CAMK1D: variants seen among roughly 807,000 people sequenced by gnomAD.
The protein encoded by CAMK1D is calcium/calmodulin-dependent protein kinase type 1D.
In CAMK1D, 9 loss-of-function variants were observed where a neutral mutation model predicts 47.7. The ratio of observed to expected loss-of-function variants is 0.19; its 90% CI spans 0.11 to 0.33. CAMK1D has a LOEUF of 0.33. Among genes scored for constraint, CAMK1D ranks in the 10% least tolerant of loss-of-function variants. The pLI is 1.00. For missense variants in CAMK1D, 291 were observed against 488.7 expected, an observed-to-expected ratio of 0.60 and a Z score of 3.81; for synonymous variants, 184 against 184.9, an observed-to-expected ratio of 0.99 and a Z score of 0.04.
intron 1 of CAMK1D, among the ~76,000 whole-genome samples, chr10:12,403,454 G>T (rs1839302163): frequency 6.6e-6 from 1 of 152,200 alleles, no homozygotes; most frequent in Non-Finnish European, 1.5e-5. Flanking sequence ...TCAGTGAGAT[G>T]ATTGATGATG....
chr10:12,666,293 C>T (rs1186166796), intron 2 of CAMK1D, among the ~76,000 whole-genome samples: 3 of 152,138 alleles, frequency 2.0e-5, no homozygotes, highest in East Asian at 1.9e-4. Flanking sequence ...TCCAGTGTCT[C>T]ACCAGGTCTC....
chr10:12,552,725 T>C (rs1836625226), intron 1 of CAMK1D, among the ~76,000 whole-genome samples: 1 of 152,174 alleles, frequency 6.6e-6, no homozygotes, highest in Non-Finnish European at 1.5e-5. Context: ...CCTGTGTATT[T>C]CCTTTTTGAA....
chr10:12,712,020 G>A (rs1833957422), intron 3 of CAMK1D, among the ~76,000 whole-genome samples: 1 of 152,130 alleles, frequency 6.6e-6, no homozygotes, highest in Non-Finnish European at 1.5e-5. Context: ...AAATGTGATC[G>A]GCAAATGTAT....
chr10:12,518,472 CT>C lies in CAMK1D; in HGVS notation c.93-34746del, dbSNP rs1236845817. 1.9e-5 allele frequency among the ~76,000 whole-genome samples: 2 copies of C among 102,734 alleles called. 1 individual carries two copies. The highest frequency in any genetic ancestry group is 4.2e-5 in the Non-Finnish European group (2 of 47,692). The allele number at this position is 102,734 out of a possible 152,430, so 67.4% of individuals were successfully genotyped here. On this transcript the variant is annotated intron_variant, in intron 1 of 10. Coordinates refer to ENST00000619168, the MANE Select transcript of CAMK1D (RefSeq NM_153498.4). ...CTGTAGTGATATGTCTTTATTCATT[CT>C]TTTTTTATTTTTTATTTTTTATTTT...
chr10:12,795,978 T>C (rs74118621), intron 6 of CAMK1D, among the ~76,000 whole-genome samples: 7,260 of 152,280 alleles, frequency 0.048, 582 homozygotes, highest in African/African-American at 0.16. Flanking sequence ...TCAGCCAAGA[T>C]AGCATAAGGT....
At chr10:12,504,887 C>G (rs1834823356) in intron 1 of CAMK1D, among the ~76,000 whole-genome samples, 1 of 152,216 alleles carries the variant, frequency 6.6e-6, no homozygotes, top group Non-Finnish European at 1.5e-5. Context: ...TTCTTGCCCC[C>G]TATGATGCTC....
At chr10:12,422,321 A>G (rs1414136955) in intron 1 of CAMK1D, among the ~76,000 whole-genome samples, 1 of 152,200 alleles carries the variant, frequency 6.6e-6, no homozygotes, top group Non-Finnish European at 1.5e-5. Context: ...AACAGGAGGA[A>G]CAAAGAAGGG....
chr10:12,654,130 T>A (rs1012587922), intron 2 of CAMK1D, among the ~76,000 whole-genome samples: 2 of 152,220 alleles, frequency 1.3e-5, no homozygotes, highest in Admixed American at 1.3e-4. Flanking sequence ...CAAAGATGCT[T>A]CCTGAATTCA....
intron 2 of CAMK1D, among the ~76,000 whole-genome samples, chr10:12,624,586 G>T (rs76590824): frequency 0.032 from 4,920 of 152,218 alleles, 207 homozygotes; most frequent in African/African-American, 0.1. Context: ...TCCTTCTCTT[G>T]TAAGGGTAAA....
intron 1 of CAMK1D, among the ~76,000 whole-genome samples, chr10:12,472,766 C>T (rs557709960): frequency 6.6e-6 from 1 of 152,324 alleles, no homozygotes; most frequent in South Asian, 2.1e-4. Flanking sequence ...AGATAATCCA[C>T]CCGCCTCGGC....
At position 12,760,971 on chromosome 10, in the gene CAMK1D, A is replaced by C. The variant is rs774092855; in HGVS notation, c.323A>C (p.Asp108Ala). 1 of 1,613,814 alleles carries C rather than the reference A, an allele frequency of 6.2e-7. No homozygotes were observed. Among genetic ancestry groups the C allele is most frequent in the Non-Finnish European group, 8.5e-7 (1 of 1,179,842 alleles). ...AGGGTGTCCGGTGGAGAGCTGTTTG[A>C]CCGGATAGTGGAGAAGGGGTTTTAT... Reference protein sequence around the residue: ...MQLVSGGELFDRIVEKGFYTE... With the variant: ...MQLVSGGELFARIVEKGFYTE... The change falls in exon 4 of 11, where the codon GAC becomes GCC. Residue 108 changes from aspartate to alanine, a missense_variant. Coordinates refer to ENST00000619168, the MANE Select transcript of CAMK1D (RefSeq NM_153498.4).
At chr10:12,749,820 C>T (rs565593144) in intron 3 of CAMK1D, among the ~76,000 whole-genome samples, 10 of 143,612 alleles carry the variant, frequency 7.0e-5, no homozygotes, top group Admixed American at 3.4e-4. Flanking sequence ...AAACTCCTGA[C>T]TGCAAATGAT....
At chr10:12,777,616 C>G (rs1837316082) in intron 5 of CAMK1D, among the ~76,000 whole-genome samples, 1 of 152,042 alleles carries the variant, frequency 6.6e-6, no homozygotes, top group African/African-American at 2.4e-5. Context: ...TCAGGTGATC[C>G]ACCTGTCTCG....
At position 12,663,213 on chromosome 10, in the gene CAMK1D, G is replaced by A. The variant is rs188342723; in HGVS notation, c.225-3523G>A. On this transcript the variant is annotated intron_variant, in intron 2 of 10. Coordinates refer to ENST00000619168, the MANE Select transcript of CAMK1D (RefSeq NM_153498.4). Reference sequence around the variant, plus strand: ...TGACCTCAAGTGACCTGCCCACCTCGGCCTCCCAAAGTGCTGGGATTACAG... The same window carrying A: ...TGACCTCAAGTGACCTGCCCACCTCAGCCTCCCAAAGTGCTGGGATTACAG... Among the ~76,000 whole-genome samples the A allele has an allele frequency of 2.6e-5, 4 of 151,896 alleles. No individual in the cohort carries two copies. The East Asian group carries it at 5.8e-4, about 22-fold the overall frequency.
intron 2 of CAMK1D, among the ~76,000 whole-genome samples, chr10:12,631,666 A>ATCACTTG (rs1265173855): frequency 6.7e-6 from 1 of 150,364 alleles, no homozygotes; most frequent in Admixed American, 6.7e-5. Context: ...TTGCTGAGAG[A>ATCACTTG]TCACTTGTTC....
At chr10:12,615,552 T>C (rs1838761039) in intron 2 of CAMK1D, among the ~76,000 whole-genome samples, 1 of 145,876 alleles carries the variant, frequency 6.9e-6, no homozygotes, top group Non-Finnish European at 1.5e-5. Context: ...ACATGTGTAG[T>C]TATGTGTGTA....
At chr10:12,675,737 C>G (rs971089677) in intron 3 of CAMK1D, among the ~76,000 whole-genome samples, 2 of 152,176 alleles carry the variant, frequency 1.3e-5, no homozygotes, top group African/African-American at 4.8e-5. Flanking sequence ...ATCTTCGAGT[C>G]AAAGACAAAG....
At chr10:12,498,569 C>G (rs1041927199) in intron 1 of CAMK1D, among the ~76,000 whole-genome samples, 1 of 152,210 alleles carries the variant, frequency 6.6e-6, no homozygotes, top group African/African-American at 2.4e-5. Context: ...AAAGGAGGAA[C>G]ACTTCAGGAA....
At chr10:12,384,526 C>G (rs1360094026) in intron 1 of CAMK1D, among the ~76,000 whole-genome samples, 1 of 152,156 alleles carries the variant, frequency 6.6e-6, no homozygotes, top group South Asian at 2.1e-4. Flanking sequence ...GAAATAAACT[C>G]TCACATTTAT....
Sources: gnomAD v4.1 joint callset for allele counts (sites outside exome capture counted in the v4.1 genomes callset) on GRCh38, gnomAD v4.1.1 for gene constraint, MANE v1.5 for transcripts, NCBI Gene and HGNC (gene_info 2026-07-23, HGNC 2026-07-21) for gene names.